SCN11A: variants seen among roughly 807,000 people sequenced by gnomAD.
SCN11A encodes sodium channel protein type 11 subunit alpha.
A neutral mutation model predicts 162.2 loss-of-function variants in SCN11A; 122 were observed. The ratio of observed to expected loss-of-function variants is 0.75; its 90% CI spans 0.65 to 0.87. SCN11A has a LOEUF of 0.87. Ranked by LOEUF, SCN11A falls within the 40% of genes least tolerant of loss-of-function variation. The probability of loss-of-function intolerance (pLI) is 0.00; values close to 1 mark genes in which losing one functional copy is unlikely to be tolerated. For missense variants in SCN11A, 2,015 were observed against 2,181.6 expected, an observed-to-expected ratio of 0.92 and a Z score of 1.52; for synonymous variants, 758 against 751.5, an observed-to-expected ratio of 1.01 and a Z score of -0.14.
chr3:38,999,001 T>C (rs1009832872), intron 2 of SCN11A, among the ~76,000 whole-genome samples: 2 of 152,080 alleles, frequency 1.3e-5, no homozygotes, highest in African/African-American at 4.8e-5. Flanking sequence ...GGCACATGTA[T>C]ACATATGTAA....
intron 11 of SCN11A, among the ~76,000 whole-genome samples, chr3:38,918,666 A>G (rs529942346): frequency 4.7e-4 from 72 of 152,204 alleles, no homozygotes; most frequent in Non-Finnish European, 9.4e-4. Flanking sequence ...ATGATCCTCA[A>G]CAATATCAAT....
At chr3:38,965,996 A>G (rs1169840331) in intron 2 of SCN11A, among the ~76,000 whole-genome samples, 3 of 152,186 alleles carry the variant, frequency 2.0e-5, no homozygotes, top group African/African-American at 7.2e-5. Context: ...AAAATTAAAA[A>G]AAAAAGAAGC....
intron 7 of SCN11A, among the ~76,000 whole-genome samples, chr3:38,938,321 G>A (rs2125565465): frequency 6.6e-6 from 1 of 150,746 alleles, no homozygotes; most frequent in Admixed American, 6.6e-5. Flanking sequence ...CATGGCACAT[G>A]TATACATATG....
chr3:38,936,475 T>C (rs1263657238), intron 7 of SCN11A, among the ~76,000 whole-genome samples: 8 of 151,072 alleles, frequency 5.3e-5, no homozygotes, highest in Non-Finnish European at 1.2e-4. Context: ...AAAACCCCAT[T>C]GTCTCAGCCC....
chr3:38,967,253 G>A (rs1197082300), intron 2 of SCN11A, among the ~76,000 whole-genome samples: 2 of 152,202 alleles, frequency 1.3e-5, no homozygotes, highest in African/African-American at 2.4e-5. Flanking sequence ...CAGGGCTGAC[G>A]TGTGTAAACA....
In SCN11A at chr3:39,035,679, G is replaced by A. The variant is rs2031886110; in HGVS notation, c.-403-3176C>T. Among the ~76,000 whole-genome samples the A allele has an allele frequency of 4.0e-5, 6 of 151,858 alleles. 1 individual carries two copies. The South Asian group carries it at 1.2e-3, about 32-fold the overall frequency. ...TTTTTAGATGGAGTCTCGCTCTGTTGCCCAGGCTGGCGTGCAGTGGCACAA... is the reference window on the plus strand; with the variant it reads ...TTTTTAGATGGAGTCTCGCTCTGTTACCCAGGCTGGCGTGCAGTGGCACAA... On this transcript the variant is annotated intron_variant, in intron 1 of 29. Transcript: ENST00000302328.
At chr3:39,005,515 G>A (rs2030945799) in intron 2 of SCN11A, among the ~76,000 whole-genome samples, 1 of 152,188 alleles carries the variant, frequency 6.6e-6, no homozygotes, top group Non-Finnish European at 1.5e-5. Flanking sequence ...GTGTGAAAGT[G>A]TTTGTGGCTC....
At chr3:38,942,018 T>C (rs778423074) in intron 7 of SCN11A, among the ~76,000 whole-genome samples, 15 of 152,050 alleles carry the variant, frequency 9.9e-5, no homozygotes, top group Non-Finnish European at 2.1e-4. Context: ...GAAAAAGATA[T>C]ACCATGCAAA....
At chr3:39,038,949 T>C (rs2031974013) in intron 1 of SCN11A, among the ~76,000 whole-genome samples, 1 of 152,226 alleles carries the variant, frequency 6.6e-6, no homozygotes, top group Non-Finnish European at 1.5e-5. Context: ...TCCATGTTCC[T>C]TTTACTTTCA....
chr3:38,934,405 C>A lies in SCN11A; in HGVS notation c.489-7474G>T, dbSNP rs572592901. 3.7e-3 allele frequency among the ~76,000 whole-genome samples: 558 copies of A among 152,182 alleles called. 1 individual carries two copies. The highest frequency in any genetic ancestry group is 0.013 in the African/African-American group (530 of 41,526). ...ACTTTAAATGTAAATGGACTAAATG[C>A]TCCAATTAAAAGACACAGACTGGCA... On this transcript the variant is annotated intron_variant, in intron 7 of 29. Coordinates refer to ENST00000302328, the MANE Select transcript of SCN11A (RefSeq NM_001349253.2).
At chr3:38,868,902 C>T (rs892808116) in intron 26 of SCN11A, among the ~76,000 whole-genome samples, 18 of 152,118 alleles carry the variant, frequency 1.2e-4, no homozygotes. Flanking sequence ...GTGGCTTGGA[C>T]ACGGAGTTGA....
At chr3:39,047,856 T>C (rs923129816) in intron 1 of SCN11A, among the ~76,000 whole-genome samples, 3 of 152,098 alleles carry the variant, frequency 2.0e-5, no homozygotes, top group African/African-American at 7.2e-5. Flanking sequence ...AGAATCGCTA[T>C]ACGAAAAAGA....
chr3:39,033,750 G>A (rs922039239), intron 1 of SCN11A, among the ~76,000 whole-genome samples: 3 of 152,072 alleles, frequency 2.0e-5, no homozygotes, highest in Admixed American at 6.5e-5. Context: ...TCAAGCAACT[G>A]CAAATAAAAA....
chr3:38,913,027 A>G (rs1005928309), intron 11 of SCN11A, among the ~76,000 whole-genome samples: 5 of 151,804 alleles, frequency 3.3e-5, no homozygotes, highest in Non-Finnish European at 1.5e-5. Flanking sequence ...ATCCAGCAAC[A>G]GTAGTTCTGT....
chr3:38,964,791 T>A (rs1489978992), intron 2 of SCN11A, among the ~76,000 whole-genome samples: 10 of 152,206 alleles, frequency 6.6e-5, no homozygotes, highest in Non-Finnish European at 1.5e-4. Context: ...ATGCCTTGAA[T>A]ACCTCTTGCA....
chr3:38,872,928 G>T (rs766595219), intron 23 of SCN11A, among the ~76,000 whole-genome samples: 1 of 152,092 alleles, frequency 6.6e-6, no homozygotes, highest in Non-Finnish European at 1.5e-5. Flanking sequence ...AGTTTGAAAT[G>T]ATATCAAAAT....
intron 3 of SCN11A, among the ~76,000 whole-genome samples, chr3:38,959,772 A>G (rs1406833759): frequency 6.6e-6 from 1 of 152,268 alleles, no homozygotes; most frequent in Non-Finnish European, 1.5e-5. Flanking sequence ...TAGATCCCAT[A>G]AGAAAATCAG....
intron 2 of SCN11A, among the ~76,000 whole-genome samples, chr3:38,961,119 C>T (rs1192775792): frequency 6.6e-6 from 1 of 152,094 alleles, no homozygotes; most frequent in African/African-American, 2.4e-5. Flanking sequence ...TGAGTGTTTA[C>T]AAGGAAGTAG....
chr3:38,954,995 G>T (rs1425163330), intron 3 of SCN11A, among the ~76,000 whole-genome samples: 1 of 151,518 alleles, frequency 6.6e-6, no homozygotes, highest in African/African-American at 2.4e-5. Flanking sequence ...CTCAAAAAAA[G>T]AAAAGAAAAG....
Sources: allele counts gnomAD v4.1 joint callset (sites outside exome capture counted in the v4.1 genomes callset), GRCh38; gene constraint gnomAD v4.1.1; transcripts MANE v1.5; gene names NCBI Gene and HGNC (gene_info 2026-07-23, HGNC 2026-07-21).